Variants in ZBBX observed in about 807,000 individuals in gnomAD.
ZBBX encodes zinc finger B-box domain-containing protein 1.
A neutral mutation model predicts 108.5 loss-of-function variants in ZBBX; 101 were observed. That is an observed-to-expected ratio of 0.93 (90% CI 0.79 to 1.10). ZBBX has a LOEUF of 1.10. ZBBX is among the 50% of genes least tolerant of loss of function. The pLI, the probability that ZBBX is intolerant of heterozygous loss-of-function variation, is 0.00. For missense variants in ZBBX, 1,009 were observed against 941.4 expected (o/e 1.07, Z -0.94); for synonymous variants, 356 against 323.4 (o/e 1.10, Z -1.08).
intron 17 of ZBBX, among the ~76,000 whole-genome samples, chr3:167,303,745 G>A (rs1339095561): frequency 6.6e-6 from 1 of 152,138 alleles, no homozygotes; most frequent in East Asian, 1.9e-4. Context: ...CTGTGCATGA[G>A]AATTTAATGT....
chr3:167,404,544 C>CCACTCT (rs1028134386), intron 1 of ZBBX, among the ~76,000 whole-genome samples: 6 of 151,970 alleles, frequency 3.9e-5, no homozygotes, highest in African/African-American at 1.2e-4. Context: ...TCCCACTCTC[C>CCACTCT]CCCTTTCTCC....
At chr3:167,290,754 T>A (rs1425115842) in intron 18 of ZBBX, among the ~76,000 whole-genome samples, 1 of 151,884 alleles carries the variant, frequency 6.6e-6, no homozygotes, top group Non-Finnish European at 1.5e-5. Context: ...AATAACAAAC[T>A]CCTCTGAGCT....
intron 17 of ZBBX, among the ~76,000 whole-genome samples, chr3:167,302,198 G>A (rs1428909569): frequency 6.6e-6 from 1 of 151,812 alleles, no homozygotes; most frequent in Non-Finnish European, 1.5e-5. Flanking sequence ...TTGAGTATGT[G>A]GTTCAAAATA....
chr3:167,295,506 C>T (rs1731481308), intron 18 of ZBBX, among the ~76,000 whole-genome samples: 1 of 151,120 alleles, frequency 6.6e-6, no homozygotes, highest in Admixed American at 6.6e-5. Context: ...CACATGGACA[C>T]ATCAAACACT....
Position 167,350,428 on chromosome 3 carries a change from G to A in ZBBX, c.520C>T (p.Leu174Phe). 1 of 1,591,632 alleles carries A rather than the reference G, an allele frequency of 6.3e-7. No individual in the cohort carries two copies. The highest frequency in any genetic ancestry group is 8.6e-7 in the Non-Finnish European group (1 of 1,166,544). Residue 174 changes from leucine (L) to phenylalanine (F), a missense_variant, in exon 9 of 22, where the codon CTT (leucine) becomes TTT (phenylalanine). By Grantham distance (22) the Leu-to-Phe change is conservative. Coordinates refer to ENST00000675490, the MANE Select transcript of ZBBX (RefSeq NM_001199201.2). ...ATTTTAGAAAGCCATACCTGCAAAA[G>A]AGTTGTTCTGTGGAGCTTTAGTGCC... ...KGALKLHRTT[L>F]LQAKSQILFN...
chr3:167,250,707 C>T (rs56246983), intron 20 of ZBBX, among the ~76,000 whole-genome samples: 2,615 of 152,090 alleles, frequency 0.017, 75 homozygotes, highest in African/African-American at 0.059. Context: ...GGTCACAGTC[C>T]ATATTCTAAA....
At chr3:167,292,126 A>AAC (rs1730801391) in intron 18 of ZBBX, among the ~76,000 whole-genome samples, 1 of 152,048 alleles carries the variant, frequency 6.6e-6, no homozygotes, top group Admixed American at 6.6e-5. Flanking sequence ...ACACCCCACT[A>AAC]TCAATATTAG....
chr3:167,361,060 T>G lies in ZBBX; in HGVS notation c.274-337A>C, dbSNP rs189272780. ...GTAAAGGTTTAATACATCTTTTCTA[T>G]TTCTGCTCTTTCTGAGACACACAGT... On this transcript the variant is annotated intron_variant, in intron 6 of 21. Transcript: ENST00000675490. 3.4e-3 allele frequency among the ~76,000 whole-genome samples: 519 copies of G among 152,226 alleles called. 5 individuals are homozygous for G. The highest frequency in any genetic ancestry group is 0.012 in the African/African-American group (488 of 41,564).
At chr3:167,183,097 GA>G in the ZBBX span, among the ~76,000 whole-genome samples, 2 of 152,194 alleles carry the variant, frequency 1.3e-5, no homozygotes, top group African/African-American at 4.8e-5. Context: ...TCAAAATAAT[GA>G]CAGAGTGCAG....
chr3:167,243,797 T>C (rs1721105252), intron 20 of ZBBX, among the ~76,000 whole-genome samples: 1 of 150,186 alleles, frequency 6.7e-6, no homozygotes, highest in Non-Finnish European at 1.5e-5. Context: ...ACTTGACATT[T>C]TTGAGCAAAT....
chr3:167,331,565 C>G (rs78019734), intron 10 of ZBBX: 10,703 of 985,234 alleles, frequency 0.011, 70 homozygotes, highest in Non-Finnish European at 0.012. Flanking sequence ...ATTGGAATAC[C>G]TGGCTTCCAC....
At chr3:167,230,669 T>C in the ZBBX span, among the ~76,000 whole-genome samples, 1 of 151,748 alleles carries the variant, frequency 6.6e-6, no homozygotes, top group Non-Finnish European at 1.5e-5. Context: ...GCAATGGTGC[T>C]CACAGCAGGG....
the ZBBX span, among the ~76,000 whole-genome samples, chr3:167,231,417 G>A: frequency 3.3e-5 from 5 of 151,746 alleles, no homozygotes; most frequent in South Asian, 4.2e-4. Context: ...CAGACTGGTC[G>A]ACCACTTTAA....
At chr3:167,350,993 C>T (rs1742544793) in intron 8 of ZBBX, among the ~76,000 whole-genome samples, 1 of 151,674 alleles carries the variant, frequency 6.6e-6, no homozygotes, top group African/African-American at 2.4e-5. Flanking sequence ...ACTCTTTGCC[C>T]TCCAAAATCC....
At chr3:167,271,561 A>G (rs1460255098) in intron 20 of ZBBX, among the ~76,000 whole-genome samples, 1 of 152,208 alleles carries the variant, frequency 6.6e-6, no homozygotes, top group Non-Finnish European at 1.5e-5. Context: ...CCTGAGAGAA[A>G]TCCTGCCTCA....
the ZBBX span, among the ~76,000 whole-genome samples, chr3:167,191,873 G>C: frequency 7.0e-5 from 8 of 115,094 alleles, no homozygotes; most frequent in South Asian, 3.0e-4. Context: ...TTGCAATGTG[G>C]TTATCATGAA....
the ZBBX span, among the ~76,000 whole-genome samples, chr3:167,199,524 C>T: frequency 6.6e-6 from 1 of 152,044 alleles, no homozygotes; most frequent in South Asian, 2.1e-4. Context: ...TTTATTATTC[C>T]ATCATGATTC....
chr3:167,378,868 T>A (rs970932401), intron 2 of ZBBX, among the ~76,000 whole-genome samples: 2 of 152,208 alleles, frequency 1.3e-5, no homozygotes, highest in African/African-American at 4.8e-5. Context: ...GAGCTTCTCC[T>A]TGTATAGAAA....
At chr3:167,204,505 T>C in the ZBBX span, among the ~76,000 whole-genome samples, 6 of 149,082 alleles carry the variant, frequency 4.0e-5, no homozygotes, top group Non-Finnish European at 1.5e-5. Context: ...GGTTTTTTGT[T>C]CTTGCGATAG....
Sources: gnomAD v4.1 joint callset for allele counts (sites outside exome capture counted in the v4.1 genomes callset) on GRCh38, gnomAD v4.1.1 for gene constraint, MANE v1.5 for transcripts, NCBI Gene and HGNC (gene_info 2026-07-23, HGNC 2026-07-21) for gene names.